Variants in SLAMF9 observed in about 807,000 individuals in gnomAD.
The protein encoded by SLAMF9 is CD2 family member 10.
SLAMF9 carries 25 observed loss-of-function variants against 30.4 expected under a neutral mutation model. The ratio of observed to expected loss-of-function variants is 0.82; its 90% confidence interval spans 0.60 to 1.15. SLAMF9 has a LOEUF of 1.15. Ranked by LOEUF, SLAMF9 falls within the 50% of genes most tolerant of loss-of-function variation. The pLI is 0.00. For missense variants in SLAMF9, 344 were observed against 346.1 expected, an observed-to-expected ratio of 0.99 and a Z score of 0.05; for synonymous variants, 129 against 127.2, an observed-to-expected ratio of 1.01 and a Z score of -0.09.
At chr1:159,958,257 C>T (rs1158019517), upstream of SLAMF9, among the ~76,000 whole-genome samples, 1 of 152,136 alleles carries the variant, frequency 6.6e-6, no homozygotes, top group African/African-American at 2.4e-5. Flanking sequence ...AAGGGGGAGC[C>T]GAGGCTGCTA....
At chr1:159,976,960 G>GAAAGAAAGAAAGAAAGAAAGAA in the SLAMF9 span, 184 of 101,874 alleles carry the variant, frequency 1.8e-3, 6 homozygotes, top group Middle Eastern at 5.0e-3. Context: ...AAGAAAGAAA[G>GAAAGAAAGAAAGAAAGAAAGAA]AGAAAGAAAG....
At chr1:159,977,522 T>C in the SLAMF9 span, among the ~76,000 whole-genome samples, 2 of 152,188 alleles carry the variant, frequency 1.3e-5, no homozygotes, top group Non-Finnish European at 2.9e-5. Context: ...CAGGGTTAGC[T>C]CCCTATAGGG....
intron 3 of SLAMF9, 112 bp downstream of exon 3, chr1:159,952,150 G>T (rs1651767691): frequency 7.9e-7 from 1 of 1,259,604 alleles, no homozygotes; most frequent in South Asian, 1.4e-5. Context: ...TCCATGGGAG[G>T]GGGTTAGCTT....
the SLAMF9 span, among the ~76,000 whole-genome samples, chr1:159,974,229 A>G: frequency 3.9e-5 from 6 of 152,086 alleles, no homozygotes; most frequent in Non-Finnish European, 5.9e-5. Flanking sequence ...GAAGGGCAGG[A>G]CCTGGACTTC....
At chr1:159,967,577 C>T in the SLAMF9 span, among the ~76,000 whole-genome samples, 4 of 152,058 alleles carry the variant, frequency 2.6e-5, no homozygotes, top group Non-Finnish European at 4.4e-5. Flanking sequence ...ATTGTTTTGG[C>T]CATTTGTGGT....
In SLAMF9 at chr1:159,953,673, A is replaced by G; in HGVS notation, c.47-20T>C. On this transcript the variant is annotated intron_variant, in intron 1 of 3. Transcript: ENST00000368093. ...GGCTGCCTATGCAGGAAGAAAAGAG[A>G]AGCAAACAACCCAGCTGCTGTCTCT... The G allele has an allele frequency of 6.4e-7, 1 of 1,573,690 alleles. No individual in the cohort carries two copies. The highest frequency in any genetic ancestry group is 8.6e-7 in the Non-Finnish European group (1 of 1,156,828).
At chr1:159,956,269 C>T (rs531935443), upstream of SLAMF9, among the ~76,000 whole-genome samples, 13 of 152,188 alleles carry the variant, frequency 8.5e-5, no homozygotes, top group African/African-American at 3.1e-4. Context: ...AATTTTAGAC[C>T]AGCCTAAGCA....
chr1:159,971,884 G>A, the SLAMF9 span, among the ~76,000 whole-genome samples: 3 of 152,084 alleles, frequency 2.0e-5, no homozygotes. Context: ...GGCACTCTGA[G>A]GAGTCCTGGG....
the SLAMF9 span, among the ~76,000 whole-genome samples, chr1:159,975,978 C>T: frequency 6.6e-6 from 1 of 152,190 alleles, no homozygotes; most frequent in Non-Finnish European, 1.5e-5. Flanking sequence ...ACTTCAGGAT[C>T]TGTTCTGGGC....
intron 3 of SLAMF9, 85 bp downstream of exon 3, chr1:159,952,177 C>T (rs1651768619): frequency 1.3e-6 from 2 of 1,514,116 alleles, no homozygotes; most frequent in Non-Finnish European, 1.8e-6. Flanking sequence ...TCCCTGGGCT[C>T]TCTTGGGAAG....
the SLAMF9 span, among the ~76,000 whole-genome samples, chr1:159,977,846 G>A: frequency 6.6e-6 from 1 of 152,164 alleles, no homozygotes; most frequent in Non-Finnish European, 1.5e-5. Context: ...ATGAACATAG[G>A]CGTACTCATG....
rs1160586987 is a variant in SLAMF9, at chr1:159,954,167, T to TTCAG, written c.-34_-31dup. 7.4e-6 allele frequency: 12 copies of TTCAG among 1,613,600 alleles called. No individual in the cohort carries two copies. Among genetic ancestry groups the TTCAG allele is most frequent in the Non-Finnish European group, 9.3e-6 (11 of 1,179,806 alleles). On this transcript the variant is annotated 5_prime_UTR_variant, in exon 1 of 4. Transcript: ENST00000368093. ...GCAGCCCCCAGCCCCAGAGGTGTGA[T>TTCAG]TCAGTCAGTCAGTCCCCAGGACTGT...
At chr1:159,964,427 C>T in the SLAMF9 span, among the ~76,000 whole-genome samples, 1 of 152,060 alleles carries the variant, frequency 6.6e-6, no homozygotes, top group Non-Finnish European at 1.5e-5. Flanking sequence ...CAAGGACTGC[C>T]GCAGGGAAGC....
At chr1:159,975,641 G>C in the SLAMF9 span, among the ~76,000 whole-genome samples, 1 of 152,148 alleles carries the variant, frequency 6.6e-6, no homozygotes, top group Non-Finnish European at 1.5e-5. Flanking sequence ...AGTAAAGAAT[G>C]ATCAGAACAG....
the SLAMF9 span, among the ~76,000 whole-genome samples, chr1:159,975,012 A>T: frequency 6.6e-6 from 1 of 152,150 alleles, no homozygotes; most frequent in Non-Finnish European, 1.5e-5. Context: ...ACCACAGAGC[A>T]CTTGGGTTTC....
the SLAMF9 span, among the ~76,000 whole-genome samples, chr1:159,974,467 C>G: frequency 1.3e-5 from 2 of 152,196 alleles, no homozygotes; most frequent in Non-Finnish European, 2.9e-5. Flanking sequence ...CTGCCCCAGT[C>G]CAGGCTGACC....
At chr1:159,960,623 G>A in the SLAMF9 span, among the ~76,000 whole-genome samples, 12 of 151,930 alleles carry the variant, frequency 7.9e-5, no homozygotes, top group Admixed American at 3.9e-4. Flanking sequence ...ATGCTACTAC[G>A]CCTGGCTAAT....
the SLAMF9 span, among the ~76,000 whole-genome samples, chr1:159,968,120 G>A: frequency 2.0e-5 from 3 of 152,114 alleles, no homozygotes; most frequent in Non-Finnish European, 2.9e-5. Flanking sequence ...CTCTGGCTAG[G>A]ACTTCAAGAA....
chr1:159,960,130 G>A, the SLAMF9 span, among the ~76,000 whole-genome samples: 2 of 150,404 alleles, frequency 1.3e-5, no homozygotes, highest in Non-Finnish European at 1.5e-5. Flanking sequence ...TCGTCATTTA[G>A]CATTAGGTAT....
Sources: gnomAD v4.1 joint callset for allele counts (sites outside exome capture counted in the v4.1 genomes callset) on GRCh38, gnomAD v4.1.1 for gene constraint, MANE v1.5 for transcripts, NCBI Gene and HGNC (gene_info 2026-07-23, HGNC 2026-07-21) for gene names.